Variants in ITPR2 observed in about 807,000 individuals in gnomAD.
ITPR2 encodes the protein inositol 1,4,5-trisphosphate-gated calcium channel ITPR2.
Under a neutral mutation model 317.1 loss-of-function variants are expected in ITPR2, and 207 were observed. That is an observed-to-expected ratio of 0.65 (90% confidence interval 0.58 to 0.73). The LOEUF (loss-of-function observed/expected upper bound fraction) is 0.73. ITPR2 is among the 30% of genes least tolerant of loss of function. The pLI is 0.00. For missense variants in ITPR2, 2,613 were observed against 3,284.0 expected (o/e 0.80, Z 4.99); for synonymous variants, 1,156 against 1,149.1 (o/e 1.01, Z -0.12).
At chr12:26,820,947 G>A (rs1179963095) in intron 1 of ITPR2, among the ~76,000 whole-genome samples, 1 of 152,126 alleles carries the variant, frequency 6.6e-6, no homozygotes, top group Non-Finnish European at 1.5e-5. Context: ...GAGACAGAAA[G>A]TAGACTAGAG....
intron 48 of ITPR2, among the ~76,000 whole-genome samples, chr12:26,428,591 T>A (rs1222798298): frequency 6.6e-6 from 1 of 152,144 alleles, no homozygotes; most frequent in Non-Finnish European, 1.5e-5. Flanking sequence ...TAAATACACA[T>A]ACATAGATAT....
chr12:26,687,599 C>A (rs1948153540), intron 10 of ITPR2, among the ~76,000 whole-genome samples: 1 of 152,150 alleles, frequency 6.6e-6, no homozygotes, highest in East Asian at 1.9e-4. Flanking sequence ...CCAGAACATT[C>A]ACTTGGAGTC....
intron 9 of ITPR2, among the ~76,000 whole-genome samples, chr12:26,706,242 C>G (rs1036998133): frequency 1.3e-5 from 2 of 152,102 alleles, no homozygotes; most frequent in Admixed American, 1.3e-4. Flanking sequence ...AATTTAATAG[C>G]CAACATGTGG....
At chr12:26,791,625 C>G (rs1319532776) in intron 1 of ITPR2, among the ~76,000 whole-genome samples, 1 of 152,074 alleles carries the variant, frequency 6.6e-6, no homozygotes, top group African/African-American at 2.4e-5. Flanking sequence ...TTCATTCACA[C>G]TGGTTTACTA....
At position 26,441,205 on chromosome 12, in the gene ITPR2, T is replaced by C. The variant is rs117437777; in HGVS notation, c.6451-1886A>G. Among the ~76,000 whole-genome samples, 103 of 152,324 alleles carry C rather than the reference T, an allele frequency of 6.8e-4. No homozygotes were observed. The East Asian group carries it at 0.012, about 17-fold the overall frequency. On this transcript the variant is annotated intron_variant, in intron 46 of 56. Transcript: ENST00000381340. Reference sequence around the variant, plus strand: ...CAAAATCGGATCAGTTTCTTCCTGATGTAGTGAGAACTCTATCGCAGGAAG... The same window carrying C: ...CAAAATCGGATCAGTTTCTTCCTGACGTAGTGAGAACTCTATCGCAGGAAG...
chr12:26,398,161 A>C (rs1940064358), intron 54 of ITPR2, among the ~76,000 whole-genome samples: 1 of 151,862 alleles, frequency 6.6e-6, no homozygotes, highest in South Asian at 2.1e-4. Flanking sequence ...GGTGGCTTAC[A>C]CCTGCAATCC....
At chr12:26,440,074 C>A (rs2136730340) in intron 46 of ITPR2, among the ~76,000 whole-genome samples, 1 of 152,314 alleles carries the variant, frequency 6.6e-6, no homozygotes, top group East Asian at 1.9e-4. Context: ...ACGAGTAATT[C>A]TGCTTCCCTT....
At chr12:26,582,762 A>G (rs1470115168) in intron 32 of ITPR2, among the ~76,000 whole-genome samples, 1 of 152,200 alleles carries the variant, frequency 6.6e-6, no homozygotes, top group Non-Finnish European at 1.5e-5. Flanking sequence ...GATCCTCTAA[A>G]ATAATAAATT....
At chr12:26,453,426 G>A (rs1479670791) in intron 45 of ITPR2, among the ~76,000 whole-genome samples, 3 of 152,120 alleles carry the variant, frequency 2.0e-5, no homozygotes, top group Non-Finnish European at 4.4e-5. Context: ...TTCAGGGTGA[G>A]GAAGCAAGAA....
intron 55 of ITPR2, among the ~76,000 whole-genome samples, chr12:26,359,436 A>C (rs1264920131): frequency 6.6e-6 from 1 of 152,220 alleles, no homozygotes; most frequent in Non-Finnish European, 1.5e-5. Context: ...GAGGCAGGGC[A>C]ATCTCAGTCT....
intron 37 of ITPR2, among the ~76,000 whole-genome samples, chr12:26,524,944 T>C (rs528155155): frequency 6.6e-6 from 1 of 152,372 alleles, no homozygotes; most frequent in East Asian, 1.9e-4. Context: ...TTTATAATTA[T>C]GGAGTGAGAA....
intron 55 of ITPR2, among the ~76,000 whole-genome samples, chr12:26,347,533 G>T (rs140674912): frequency 6.6e-6 from 1 of 152,290 alleles, no homozygotes; most frequent in East Asian, 1.9e-4. Flanking sequence ...CTTGCCCAAG[G>T]TCATATAGGT....
At chr12:26,435,318 T>C (rs1232775155) in intron 48 of ITPR2, among the ~76,000 whole-genome samples, 4 of 152,010 alleles carry the variant, frequency 2.6e-5, no homozygotes, top group African/African-American at 4.8e-5. Flanking sequence ...ACCACCACCA[T>C]TGAACTTTAT....
At chr12:26,622,787 A>AC (rs1032129500) in intron 24 of ITPR2, among the ~76,000 whole-genome samples, 9 of 152,092 alleles carry the variant, frequency 5.9e-5, no homozygotes, top group African/African-American at 1.2e-4. Flanking sequence ...GGCCCTACAG[A>AC]CCCCTACATG....
chr12:26,552,990 T>C (rs954968953), intron 36 of ITPR2, among the ~76,000 whole-genome samples: 1 of 152,218 alleles, frequency 6.6e-6, no homozygotes, highest in African/African-American at 2.4e-5. Flanking sequence ...CAAATATTTT[T>C]CTATGATCAA....
chr12:26,707,268 T>C lies in ITPR2; in HGVS notation c.951+3905A>G, dbSNP rs1453029117. Among the ~76,000 whole-genome samples, 4 of 152,238 alleles carry C rather than the reference T, an allele frequency of 2.6e-5. No homozygotes were observed. In the East Asian group the frequency reaches 7.7e-4, roughly 29 times the overall value. ...GAAATCTTAAAGACTATGTTTGCAA[T>C]TTTATGAATTCCAAAAATAATCATT... is the stretch of plus-strand genomic sequence containing the variant. On this transcript the variant is annotated intron_variant, in intron 9 of 56. Coordinates refer to ENST00000381340, the MANE Select transcript of ITPR2 (RefSeq NM_002223.4).
intron 37 of ITPR2, among the ~76,000 whole-genome samples, chr12:26,504,786 C>T (rs954272656): frequency 8.5e-5 from 13 of 152,146 alleles, no homozygotes; most frequent in African/African-American, 2.9e-4. Context: ...AAACAAACAA[C>T]AAGCAAAACA....
At chr12:26,433,379 C>T (rs1941268980) in intron 48 of ITPR2, among the ~76,000 whole-genome samples, 1 of 152,076 alleles carries the variant, frequency 6.6e-6, no homozygotes, top group South Asian at 2.1e-4. Flanking sequence ...GTTCGTTAGT[C>T]CTATTTCTGG....
chr12:26,394,814 G>T (rs1483190578), intron 54 of ITPR2, among the ~76,000 whole-genome samples: 4 of 152,174 alleles, frequency 2.6e-5, no homozygotes, highest in Non-Finnish European at 5.9e-5. Flanking sequence ...TGTGTGGAAG[G>T]ATGTGGGTGA....
Sources: gnomAD v4.1 joint callset for allele counts (sites outside exome capture counted in the v4.1 genomes callset) on GRCh38, gnomAD v4.1.1 for gene constraint, MANE v1.5 for transcripts, NCBI Gene and HGNC (gene_info 2026-07-23, HGNC 2026-07-21) for gene names.